Variants in CSNK2A2IP observed in about 807,000 individuals in gnomAD.
CSNK2A2IP encodes the protein casein kinase 2 subunit alpha' interacting protein, also known as casein kinase II subunit alpha'-interacting protein.
At chr3:88,435,923 CACATTATGTGTGCATTATATAT>C in the CSNK2A2IP span, among the ~76,000 whole-genome samples, 1 of 91,476 alleles carries the variant, frequency 1.1e-5, no homozygotes. Flanking sequence ...ATATATAATG[CACATTATGTGTGCATTATATAT>C]ATAATGCACA....
the CSNK2A2IP span, among the ~76,000 whole-genome samples, chr3:88,357,892 T>A: frequency 6.6e-6 from 1 of 151,944 alleles, no homozygotes; most frequent in Non-Finnish European, 1.5e-5. Context: ...GTAGCTAATT[T>A]TTTTTTGTAT....
chr3:88,414,089 T>C, the CSNK2A2IP span, among the ~76,000 whole-genome samples: 1 of 151,284 alleles, frequency 6.6e-6, no homozygotes, highest in Admixed American at 6.6e-5. Flanking sequence ...TTTACAATTA[T>C]AAATAATATT....
chr3:88,366,998 T>A, the CSNK2A2IP span, among the ~76,000 whole-genome samples: 1 of 151,966 alleles, frequency 6.6e-6, no homozygotes, highest in Non-Finnish European at 1.5e-5. Flanking sequence ...GAGAAGAGTA[T>A]AGGGGAAACC....
chr3:88,460,327 T>C, the CSNK2A2IP span, among the ~76,000 whole-genome samples: 4 of 152,216 alleles, frequency 2.6e-5, no homozygotes, highest in East Asian at 1.9e-4. Context: ...TCAGAAATGC[T>C]ATTTTTCTCT....
At chr3:88,343,300 A>T in the CSNK2A2IP span, 1 of 152,220 alleles carries the variant, frequency 6.6e-6, no homozygotes, top group East Asian at 1.9e-4. Context: ...GATGGTGATA[A>T]TGGTATTCAA....
chr3:88,454,368 GT>G, the CSNK2A2IP span, among the ~76,000 whole-genome samples: 7 of 151,376 alleles, frequency 4.6e-5, no homozygotes, highest in Admixed American at 4.6e-4. Context: ...CTATTTTTAT[GT>G]TTTTTTCATT....
At chr3:88,371,860 C>T in the CSNK2A2IP span, among the ~76,000 whole-genome samples, 1 of 151,664 alleles carries the variant, frequency 6.6e-6, no homozygotes, top group Non-Finnish European at 1.5e-5. Flanking sequence ...AAGCTGACTT[C>T]TTATCAGAAA....
chr3:88,341,190 T>TA, the CSNK2A2IP span, among the ~76,000 whole-genome samples: 1 of 151,958 alleles, frequency 6.6e-6, no homozygotes, highest in Non-Finnish European at 1.5e-5. Flanking sequence ...CTATTCTATA[T>TA]AAAAAATAAT....
At chr3:88,451,729 C>A in the CSNK2A2IP span, among the ~76,000 whole-genome samples, 1 of 116,398 alleles carries the variant, frequency 8.6e-6, no homozygotes, top group Admixed American at 1.0e-4. Flanking sequence ...TAATCTCTCT[C>A]TCTTTTTTTT....
the CSNK2A2IP span, among the ~76,000 whole-genome samples, chr3:88,422,920 GT>G: frequency 5.9e-5 from 9 of 152,232 alleles, 1 homozygote; most frequent in South Asian, 2.1e-4. Flanking sequence ...AGTATATTTA[GT>G]TTTTTTGTAA....
chr3:88,435,305 G>T, the CSNK2A2IP span, among the ~76,000 whole-genome samples: 1 of 152,128 alleles, frequency 6.6e-6, no homozygotes, highest in Non-Finnish European at 1.5e-5. Flanking sequence ...ACTCTTCACA[G>T]AAATTCATTT....
chr3:88,458,146 T>TTTTTGTGTTTTTTG, the CSNK2A2IP span, among the ~76,000 whole-genome samples: 1 of 67,640 alleles, frequency 1.5e-5, no homozygotes, highest in African/African-American at 4.3e-5. Context: ...TTGTGGTTTT[T>TTTTTGTGTTTTTTG]TTTTTTTTTT....
chr3:88,400,056 G>A, the CSNK2A2IP span, among the ~76,000 whole-genome samples: 1 of 152,156 alleles, frequency 6.6e-6, no homozygotes, highest in Non-Finnish European at 1.5e-5. Flanking sequence ...GAGTAGAAAA[G>A]TAACATCTGT....
At chr3:88,347,767 C>A in the CSNK2A2IP span, among the ~76,000 whole-genome samples, 1 of 151,862 alleles carries the variant, frequency 6.6e-6, no homozygotes, top group Non-Finnish European at 1.5e-5. Context: ...GATATAAAGA[C>A]CTTTTCAAGA....
the CSNK2A2IP span, among the ~76,000 whole-genome samples, chr3:88,450,358 C>T: frequency 3.3e-5 from 5 of 152,212 alleles, no homozygotes; most frequent in Middle Eastern, 0.014. Flanking sequence ...CCATACAGCA[C>T]AGTTTCGTTA....
chr3:88,457,858 T>C, the CSNK2A2IP span, among the ~76,000 whole-genome samples: 12 of 151,990 alleles, frequency 7.9e-5, no homozygotes, highest in Admixed American at 2.0e-4. Flanking sequence ...AAAGACTTGA[T>C]AGGGTCATCA....
At chr3:88,449,667 A>G in the CSNK2A2IP span, among the ~76,000 whole-genome samples, 28 of 133,228 alleles carry the variant, frequency 2.1e-4, no homozygotes, top group Non-Finnish European at 4.3e-4. Context: ...TTTTCCATCA[A>G]ACAATCTACC....
At chr3:88,466,386 G>A in the CSNK2A2IP span, 19 of 1,231,744 alleles carry the variant, frequency 1.5e-5, no homozygotes, top group Non-Finnish European at 1.8e-5. Flanking sequence ...GTCACTCCAA[G>A]TTTCAGAATA....
chr3:88,428,436 AT>A, the CSNK2A2IP span, among the ~76,000 whole-genome samples: 1 of 152,070 alleles, frequency 6.6e-6, no homozygotes, highest in African/African-American at 2.4e-5. Flanking sequence ...AGGACATGAG[AT>A]TTGGGAGGGG....
Sources: allele counts gnomAD v4.1 joint callset (sites outside exome capture counted in the v4.1 genomes callset), GRCh38; gene constraint gnomAD v4.1.1; transcripts MANE v1.5; gene names NCBI Gene and HGNC (gene_info 2026-07-23, HGNC 2026-07-21).